Variants in CA5B observed in about 807,000 individuals in gnomAD.
The protein encoded by CA5B is carbonic anhydrase 5B.
A neutral mutation model predicts 23.1 loss-of-function variants in CA5B; 15 were observed. The observed-to-expected ratio is 0.65, with a 90% CI of 0.43 to 1.00. The LOEUF is 1.00. CA5B is among the 50% of genes least tolerant of loss of function. CA5B has a pLI of 0.00. For synonymous variants in CA5B, 84 were observed against 98.5 expected, an observed-to-expected ratio of 0.85 and a Z score of 0.87; for missense variants, 236 against 252.2, an observed-to-expected ratio of 0.94 and a Z score of 0.43.
intron 3 of CA5B, among the ~76,000 whole-genome samples, chrX:15,766,098 A>C (rs903221566): frequency 2.0e-5 from 2 of 99,490 alleles, no homozygotes; most frequent in Admixed American, 1.2e-4. Context: ...CAGAGGTTGC[A>C]GTGAGCCGAG....
Position 15,767,016 on chromosome X carries a change from C to A in CA5B, c.340+2241C>A. On this transcript the variant is annotated intron_variant, in intron 3 of 7. Coordinates refer to ENST00000318636, the MANE Select transcript of CA5B (RefSeq NM_007220.4). ...AAATTCCTGTGTTCTGGATGACTGT[C>A]TGGCACTCTGGTGAGCTCTACTTGT... 4.8e-6 allele frequency: 3 copies of A among 624,788 alleles called. No homozygotes were observed. In the South Asian group the frequency reaches 7.5e-5, roughly 16 times the overall value. The allele number at this position is 624,788 out of a possible 1,213,427, so 51.5% of individuals were successfully genotyped here.
chrX:15,745,183 A>AAAAAGAAAAG (rs58217589), intron 1 of CA5B, among the ~76,000 whole-genome samples: 106 of 86,785 alleles, frequency 1.2e-3, no homozygotes, highest in South Asian at 1.6e-3. Context: ...AAAAAAAAAA[A>AAAAAGAAAAG]AAAAGAAAAG....
chrX:15,753,074 C>A (rs1217700084), intron 2 of CA5B, among the ~76,000 whole-genome samples: 1 of 111,769 alleles, frequency 8.9e-6, no homozygotes, highest in Non-Finnish European at 1.9e-5. Flanking sequence ...ATTGATGTCT[C>A]GTGCCTCTCT....
intron 2 of CA5B, among the ~76,000 whole-genome samples, chrX:15,758,491 GTTTTATTTTTTTAT>G (rs1327329216): frequency 2.7e-5 from 3 of 111,545 alleles, no homozygotes; most frequent in East Asian, 2.8e-4. Context: ...ACATTTTTGG[GTTTTATTTTTTTAT>G]TTTTATTTTT....
chrX:15,766,650 G>A (rs1340861688), intron 3 of CA5B, among the ~76,000 whole-genome samples: 3 of 111,468 alleles, frequency 2.7e-5, no homozygotes, highest in African/African-American at 9.8e-5. Flanking sequence ...AAAGCTTCTT[G>A]TACCACATAA....
Position 15,788,255 on chromosome X carries a change from CTT to C in CA5B, c.*5592_*5593del, listed in dbSNP as rs1329999343. The C allele has an allele frequency of 8.9e-6, 1 of 111,927 alleles. No individual in the cohort carries two copies. The highest frequency in any genetic ancestry group is 3.2e-5 in the African/African-American group (1 of 30,790). The allele number at this position is 111,927 out of a possible 1,213,427, so 9.2% of individuals were successfully genotyped here. On this transcript the variant is annotated 3_prime_UTR_variant, in exon 8 of 8. Transcript: ENST00000318636. ...AAATGCATACAGCGCCTCATCCCCTCTTGAGGGGTCAGGAAGTTTTCACACTA... is the reference window on the plus strand; with the variant it reads ...AAATGCATACAGCGCCTCATCCCCTCGAGGGGTCAGGAAGTTTTCACACTA...
At chrX:15,754,329 T>C (rs1384710720) in intron 2 of CA5B, among the ~76,000 whole-genome samples, 1 of 112,921 alleles carries the variant, frequency 8.9e-6, no homozygotes, top group Non-Finnish European at 1.9e-5. Flanking sequence ...ATCATCATCA[T>C]AGGCTCAGTG....
intron 1 of CA5B, among the ~76,000 whole-genome samples, chrX:15,749,153 A>AT (rs929234965): frequency 5.9e-4 from 63 of 106,356 alleles, no homozygotes; most frequent in East Asian, 1.5e-3. Context: ...AGAAGAATTG[A>AT]TTTTTTTTTT....
intron 7 of CA5B, among the ~76,000 whole-genome samples, chrX:15,780,929 G>C (rs775391438): frequency 8.9e-6 from 1 of 111,740 alleles, no homozygotes; most frequent in African/African-American, 3.2e-5. Flanking sequence ...GATTGAATGA[G>C]GGGAAATGTG....
At chrX:15,749,941 G>C in intron 1 of CA5B, 30 bp from the exon 2 acceptor site, 1 of 1,103,581 alleles carries the variant, frequency 9.1e-7, no homozygotes, top group Non-Finnish European at 1.2e-6. Context: ...GTTGTTTACA[G>C]CTTTCCCTCC....
intron 5 of CA5B, 119 bp downstream of exon 5, chrX:15,774,516 T>C (rs759576115): frequency 8.0e-6 from 7 of 875,359 alleles, no homozygotes; most frequent in Admixed American, 3.1e-5. Flanking sequence ...AGATAAATAG[T>C]GCTTGAAGTA....
chrX:15,781,913 G>C, intron 7 of CA5B, among the ~76,000 whole-genome samples: 1 of 26,276 alleles, frequency 3.8e-5, no homozygotes, highest in Admixed American at 5.3e-4. Context: ...GTAAGACTTT[G>C]TCTTTAAAAA....
At chrX:15,752,556 T>G (rs773345989) in intron 2 of CA5B, among the ~76,000 whole-genome samples, 85 of 110,650 alleles carry the variant, frequency 7.7e-4, no homozygotes, top group Non-Finnish European at 1.4e-3. Context: ...AAACCCCGTC[T>G]CTACTAAAAA....
chrX:15,763,280 A>G (rs1931641894), intron 2 of CA5B, among the ~76,000 whole-genome samples: 1 of 112,435 alleles, frequency 8.9e-6, no homozygotes, highest in Non-Finnish European at 1.9e-5. Flanking sequence ...TCCTTTCCCA[A>G]AGTTCTCCCA....
chrX:15,762,592 C>T (rs1211437179), intron 2 of CA5B, among the ~76,000 whole-genome samples: 1 of 110,112 alleles, frequency 9.1e-6, no homozygotes, highest in Non-Finnish European at 1.9e-5. Context: ...CAGGCGTGTG[C>T]CACCACACCC....
At chrX:15,764,466 C>A in intron 2 of CA5B, 112 bp from the exon 3 acceptor site, 1 of 1,106,422 alleles carries the variant, frequency 9.0e-7, no homozygotes, top group Non-Finnish European at 1.2e-6. Flanking sequence ...TCTCAAACTT[C>A]TGGCCTCAAG....
intron 2 of CA5B, among the ~76,000 whole-genome samples, chrX:15,750,790 G>T (rs1931341070): frequency 8.9e-6 from 1 of 111,995 alleles, no homozygotes; most frequent in Non-Finnish European, 1.9e-5. Flanking sequence ...CTCTCATCTC[G>T]TTCCCCTCCT....
intron 2 of CA5B, among the ~76,000 whole-genome samples, chrX:15,754,311 C>T (rs1931447480): frequency 8.9e-6 from 1 of 112,820 alleles, no homozygotes; most frequent in African/African-American, 3.2e-5. Context: ...TCTAGTACTA[C>T]AGTTGTTATC....
At position 15,782,883 on chromosome X, in the gene CA5B, T is replaced by TGA; in HGVS notation, c.*219_*220insGA. On this transcript the variant is annotated 3_prime_UTR_variant, in exon 8 of 8. Transcript: ENST00000318636. Reference sequence around the variant, plus strand: ...TACCTGTTGGTAATTGTAATGCCTTTTTTTTTTCTTTAAGAGACTAGGTCT... The same window carrying TGA: ...TACCTGTTGGTAATTGTAATGCCTTTGATTTTTTTCTTTAAGAGACTAGGTCT... 3.0e-6 allele frequency: 1 copy of TGA among 331,626 alleles called. No individual in the cohort carries two copies. The highest frequency in any genetic ancestry group is 5.2e-6 in the Non-Finnish European group (1 of 192,753). 27.3% of individuals were successfully genotyped at this position (331,626 alleles called of 1,213,427 possible). A position where few individuals can be genotyped will look rare whatever the true frequency, so the allele number is the denominator to read the frequency against.
Sources: allele counts gnomAD v4.1 joint callset (sites outside exome capture counted in the v4.1 genomes callset), GRCh38; gene constraint gnomAD v4.1.1; transcripts MANE v1.5; gene names NCBI Gene and HGNC (gene_info 2026-07-23, HGNC 2026-07-21).